The following KDM2A variants were observed in gnomAD, a reference collection of about 807,000 sequenced individuals.
KDM2A encodes lysine-specific demethylase 2A.
In KDM2A, 3 loss-of-function variants were observed where a neutral mutation model predicts 137.3. That is an observed-to-expected ratio of 0.02 (90% CI 0.01 to 0.06). KDM2A has a LOEUF of 0.06. KDM2A is among the 10% of genes least tolerant of loss of function. The pLI, the probability that KDM2A is intolerant of heterozygous loss-of-function variation, is 1.00. For synonymous variants in KDM2A, 512 were observed against 541.5 expected, an observed-to-expected ratio of 0.95 and a Z score of 0.76; for missense variants, 738 against 1,510.6, an observed-to-expected ratio of 0.49 and a Z score of 8.48.
chr11:67,122,647 A>T (rs199618132), intron 2 of KDM2A, among the ~76,000 whole-genome samples: 272 of 105,774 alleles, frequency 2.6e-3, no homozygotes, highest in East Asian at 0.017. Flanking sequence ...ATTTATTTTT[A>T]TTTATTTATT....
intron 2 of KDM2A, chr11:67,149,101 A>G (rs569742993): frequency 1.8e-4 from 28 of 152,294 alleles, no homozygotes; most frequent in Admixed American, 1.6e-3. Context: ...AAGCTCTTTA[A>G]TAATGGCAAA....
chr11:67,181,445 T>TA (rs763216277), intron 4 of KDM2A, 47 bp downstream of exon 4: 1 of 1,286,456 alleles, frequency 7.8e-7, no homozygotes. Context: ...ATGGCCTCGT[T>TA]ACACCCAGGG....
At chr11:67,141,741 T>TA (rs370487904) in intron 2 of KDM2A, among the ~76,000 whole-genome samples, 4 of 149,164 alleles carry the variant, frequency 2.7e-5, no homozygotes, top group African/African-American at 9.8e-5. Flanking sequence ...TCACCCTACT[T>TA]ACGATTGAGC....
intron 2 of KDM2A, among the ~76,000 whole-genome samples, chr11:67,176,607 T>C (rs940292170): frequency 6.6e-5 from 10 of 152,198 alleles, no homozygotes; most frequent in Non-Finnish European, 1.3e-4. Context: ...ATCTAGAGTG[T>C]ACTTACACAA....
At chr11:67,121,555 T>C (rs1344825260) in intron 2 of KDM2A, among the ~76,000 whole-genome samples, 197 bp downstream of exon 2, 1 of 152,220 alleles carries the variant, frequency 6.6e-6, no homozygotes, top group Admixed American at 6.5e-5. Flanking sequence ...ATATTTATCT[T>C]GTTTGGAAAT....
At chr11:67,229,034 G>T (rs1858632330) in intron 11 of KDM2A, among the ~76,000 whole-genome samples, 3 of 152,086 alleles carry the variant, frequency 2.0e-5, no homozygotes. Flanking sequence ...GTTGTCTAAT[G>T]CGTTTTATTG....
intron 15 of KDM2A, among the ~76,000 whole-genome samples, chr11:67,247,069 A>G (rs1199891179): frequency 4.7e-5 from 1 of 21,066 alleles, no homozygotes; most frequent in Non-Finnish European, 9.3e-5. Context: ...ATATATATAT[A>G]TATTTTTTTT....
intron 15 of KDM2A, among the ~76,000 whole-genome samples, chr11:67,247,078 T>TATAA (rs1565424343): frequency 3.9e-5 from 3 of 77,788 alleles, no homozygotes; most frequent in African/African-American, 1.7e-4. Context: ...TATATTTTTT[T>TATAA]TTTTTTTTTT....
chr11:67,145,836 CTTTCAGG>C (rs1261324382), intron 2 of KDM2A, among the ~76,000 whole-genome samples: 1 of 150,746 alleles, frequency 6.6e-6, no homozygotes, highest in African/African-American at 2.4e-5. Context: ...CTAACTCTGC[CTTTCAGG>C]TTTCAGGTTT....
At chr11:67,211,200 T>A (rs1450261522) in intron 6 of KDM2A, among the ~76,000 whole-genome samples, 1 of 152,228 alleles carries the variant, frequency 6.6e-6, no homozygotes, top group Non-Finnish European at 1.5e-5. Context: ...GTGCTTTTTT[T>A]AAAAACCAAC....
At chr11:67,191,689 C>T (rs1173943385) in intron 5 of KDM2A, among the ~76,000 whole-genome samples, 2 of 152,054 alleles carry the variant, frequency 1.3e-5, no homozygotes, top group African/African-American at 2.4e-5. Flanking sequence ...AGGAAACTAC[C>T]TTAACATAAT....
intron 5 of KDM2A, among the ~76,000 whole-genome samples, chr11:67,206,604 C>T (rs909059127): frequency 6.6e-6 from 1 of 151,976 alleles, no homozygotes; most frequent in Non-Finnish European, 1.5e-5. Flanking sequence ...GGGGTAGTGG[C>T]GTGTGCCTGT....
At chr11:67,152,538 G>A (rs1339544069) in intron 2 of KDM2A, among the ~76,000 whole-genome samples, 1 of 151,842 alleles carries the variant, frequency 6.6e-6, no homozygotes, top group Non-Finnish European at 1.5e-5. Context: ...AGCCTGGGAG[G>A]TCAAGGCTGC....
chr11:67,153,745 T>A (rs1856450123), intron 2 of KDM2A, among the ~76,000 whole-genome samples: 1 of 151,524 alleles, frequency 6.6e-6, no homozygotes, highest in Non-Finnish European at 1.5e-5. Context: ...AGCCCAGGAG[T>A]TCAAGGCTGT....
chr11:67,174,231 C>G (rs542513450), intron 2 of KDM2A, among the ~76,000 whole-genome samples: 2 of 152,158 alleles, frequency 1.3e-5, no homozygotes. Context: ...GCACTCCAGC[C>G]TGGGCGACAG....
intron 2 of KDM2A, among the ~76,000 whole-genome samples, chr11:67,148,018 C>G (rs745459460): frequency 4.6e-5 from 7 of 151,990 alleles, no homozygotes; most frequent in Non-Finnish European, 7.4e-5. Flanking sequence ...AGCTGATCAT[C>G]TAGTGGTAAT....
chr11:67,215,524 G>A, intron 7 of KDM2A, 78 bp downstream of exon 7: 2 of 922,254 alleles, frequency 2.2e-6, no homozygotes, highest in Admixed American at 2.0e-5. Flanking sequence ...TCTCCCTTAC[G>A]AGCTTTGCTC....
At chr11:67,196,154 A>T (rs896810511) in intron 5 of KDM2A, 25 of 397,516 alleles carry the variant, frequency 6.3e-5, no homozygotes, top group Non-Finnish European at 1.1e-4. Context: ...CAATTTTCTA[A>T]CAAGACATAA....
chr11:67,173,313 G>A (rs1856915236), intron 2 of KDM2A, among the ~76,000 whole-genome samples: 1 of 152,194 alleles, frequency 6.6e-6, no homozygotes, highest in Non-Finnish European at 1.5e-5. Context: ...GTAGAGACGG[G>A]GTTTCTCCGT....
Sources: allele counts gnomAD v4.1 joint callset (sites outside exome capture counted in the v4.1 genomes callset), GRCh38; gene constraint gnomAD v4.1.1; transcripts MANE v1.5; gene names NCBI Gene and HGNC (gene_info 2026-07-23, HGNC 2026-07-21).